Variants in QTGAL observed in about 807,000 individuals in gnomAD.
The protein encoded by QTGAL is BGnT-like protein 1.
the QTGAL span, chr17:82,957,150 C>T: frequency 6.2e-7 from 1 of 1,613,940 alleles, no homozygotes; most frequent in Non-Finnish European, 8.5e-7. Context: ...GGTGGTTGAC[C>T]CCAAGGGTGA....
the QTGAL span, among the ~76,000 whole-genome samples, chr17:82,974,956 A>G: frequency 6.1e-3 from 649 of 106,202 alleles, 33 homozygotes; most frequent in African/African-American, 0.028. Flanking sequence ...CCTCCCAGGG[A>G]CCGGAGGCCA....
the QTGAL span, among the ~76,000 whole-genome samples, chr17:83,033,456 C>T: frequency 6.6e-6 from 1 of 150,676 alleles, no homozygotes; most frequent in East Asian, 1.9e-4. Context: ...TTAGACTGTC[C>T]AAAATACTAA....
chr17:83,010,497 C>G, the QTGAL span, among the ~76,000 whole-genome samples: 3 of 152,234 alleles, frequency 2.0e-5, no homozygotes, highest in Non-Finnish European at 4.4e-5. Flanking sequence ...TGTTCTGCCC[C>G]TTCCAGCTTG....
chr17:82,989,333 G>A, the QTGAL span, among the ~76,000 whole-genome samples: 2 of 151,546 alleles, frequency 1.3e-5, no homozygotes, highest in African/African-American at 2.4e-5. Context: ...CACACACTAC[G>A]GCCTGTTGTG....
At chr17:83,005,884 C>T in the QTGAL span, 1 of 1,376,518 alleles carries the variant, frequency 7.3e-7, no homozygotes, top group Non-Finnish European at 9.4e-7. This position sits in a 1 kb window ranked among gnomAD's most constrained non-coding sequence, Gnocchi z 5.6. Context: ...CCAGCCTGAC[C>T]TCTGCCCCGG....
At chr17:83,046,143 A>G in the QTGAL span, among the ~76,000 whole-genome samples, 1 of 149,448 alleles carries the variant, frequency 6.7e-6, no homozygotes, top group African/African-American at 2.5e-5. Flanking sequence ...TTTATTATTT[A>G]TTTTGAGATG....
chr17:83,027,374 T>C, the QTGAL span, among the ~76,000 whole-genome samples: 1 of 152,166 alleles, frequency 6.6e-6, no homozygotes, highest in African/African-American at 2.4e-5. Context: ...GGAAATTAAC[T>C]AGAGATGGAC....
the QTGAL span, among the ~76,000 whole-genome samples, chr17:82,953,112 C>T: frequency 1.3e-5 from 2 of 151,842 alleles, no homozygotes; most frequent in African/African-American, 2.4e-5. Flanking sequence ...AAATCGACAC[C>T]CTGACATCAC....
the QTGAL span, among the ~76,000 whole-genome samples, chr17:83,000,595 A>T: frequency 6.6e-6 from 1 of 152,226 alleles, no homozygotes; most frequent in Admixed American, 6.5e-5. Flanking sequence ...TACATGATTT[A>T]AAAACACTAG....
chr17:82,983,014 C>T, the QTGAL span, among the ~76,000 whole-genome samples: 4 of 152,206 alleles, frequency 2.6e-5, no homozygotes, highest in Admixed American at 6.5e-5. Flanking sequence ...GGCGCAGTGG[C>T]TCACACCTGT....
the QTGAL span, among the ~76,000 whole-genome samples, chr17:82,982,126 AT>A: frequency 7.2e-6 from 1 of 138,022 alleles, no homozygotes; most frequent in Non-Finnish European, 1.6e-5. Context: ...AGGAGCCTCC[AT>A]CCTTCTCACC....
the QTGAL span, among the ~76,000 whole-genome samples, chr17:82,970,669 C>CGGCGTGGCCGTG: frequency 1.0e-4 from 14 of 138,920 alleles, 1 homozygote; most frequent in African/African-American, 3.6e-4. Context: ...CCTCCGCACC[C>CGGCGTGGCCGTG]AGCGTGGCCG....
chr17:82,994,073 TAAAC>T, the QTGAL span, among the ~76,000 whole-genome samples: 1 of 151,858 alleles, frequency 6.6e-6, no homozygotes, highest in South Asian at 2.1e-4. Context: ...AACCTTCAAA[TAAAC>T]AACCTAACAA....
chr17:82,948,797 C>A, the QTGAL span: 1 of 152,174 alleles, frequency 6.6e-6, no homozygotes, highest in South Asian at 2.1e-4. Flanking sequence ...CATCTGTAAT[C>A]AAAAGAAATT....
At chr17:83,034,933 T>G in the QTGAL span, 1 of 984,460 alleles carries the variant, frequency 1.0e-6, no homozygotes, top group Non-Finnish European at 1.6e-6. Context: ...TAATAACCAT[T>G]AGAAAAATGA....
At chr17:82,995,605 G>A in the QTGAL span, among the ~76,000 whole-genome samples, 1,885 of 152,052 alleles carry the variant, frequency 0.012, 43 homozygotes, top group African/African-American at 0.043. Flanking sequence ...GATGGGTCTC[G>A]ATCTCCTGAC....
the QTGAL span, among the ~76,000 whole-genome samples, chr17:83,013,075 A>G: frequency 2.0e-4 from 31 of 152,186 alleles, no homozygotes; most frequent in African/African-American, 6.8e-4. Flanking sequence ...ACGGAGAAAC[A>G]TTCAGACATA....
chr17:83,002,533 G>A, the QTGAL span, among the ~76,000 whole-genome samples: 1 of 152,228 alleles, frequency 6.6e-6, no homozygotes, highest in African/African-American at 2.4e-5. Context: ...AGCTCGTACA[G>A]GGAAGGGCTG....
the QTGAL span, among the ~76,000 whole-genome samples, chr17:82,977,915 C>T: frequency 5.3e-5 from 8 of 152,136 alleles, no homozygotes; most frequent in Non-Finnish European, 8.8e-5. Context: ...CCCAGCATTT[C>T]CGCTCCATCC....
Sources: gnomAD v4.1 joint callset for allele counts (sites outside exome capture counted in the v4.1 genomes callset) on GRCh38, gnomAD v4.1.1 for gene constraint, Gnocchi (gnomAD v3.1) non-coding constraint, MANE v1.5 for transcripts, NCBI Gene and HGNC (gene_info 2026-07-23, HGNC 2026-07-21) for gene names.